ADGRB3: variants seen among roughly 807,000 people sequenced by gnomAD.
ADGRB3 encodes adhesion G protein-coupled receptor B3.
Under a neutral mutation model 193.4 loss-of-function variants are expected in ADGRB3, and 37 were observed. The ratio of observed to expected loss-of-function variants is 0.19; its 90% CI spans 0.15 to 0.25. ADGRB3 has a LOEUF of 0.25. ADGRB3 is among the 10% of genes least tolerant of loss of function. The pLI, the probability that ADGRB3 is intolerant of heterozygous loss-of-function variation, is 1.00. For missense variants in ADGRB3, 1,637 were observed against 1,852.9 expected, an observed-to-expected ratio of 0.88 and a Z score of 2.14; for synonymous variants, 690 against 644.2, an observed-to-expected ratio of 1.07 and a Z score of -1.08.
intron 17 of ADGRB3, among the ~76,000 whole-genome samples, chr6:69,219,934 GC>G (rs1225200561): frequency 6.6e-6 from 1 of 152,030 alleles, no homozygotes; most frequent in Non-Finnish European, 1.5e-5. Context: ...AGGAGAAGCA[GC>G]CTGGGTTTTA....
intron 13 of ADGRB3, among the ~76,000 whole-genome samples, chr6:69,027,096 A>G (rs1362641800): frequency 1.3e-5 from 2 of 151,976 alleles, no homozygotes; most frequent in Non-Finnish European, 2.9e-5. Flanking sequence ...TAACTTTTGG[A>G]CTCTTGTAAT....
intron 17 of ADGRB3, among the ~76,000 whole-genome samples, chr6:69,146,821 CTTTTTTTTTTTTT>C (rs756561473): frequency 9.7e-6 from 1 of 103,246 alleles, no homozygotes; most frequent in African/African-American, 3.8e-5. Flanking sequence ...CTCATTACTT[CTTTTTTTTTTTTT>C]TTTTTTTTGG....
chr6:68,678,337 A>AT (rs1347862130), intron 3 of ADGRB3, among the ~76,000 whole-genome samples: 1 of 152,230 alleles, frequency 6.6e-6, no homozygotes, highest in African/African-American at 2.4e-5. Flanking sequence ...AGTGGCTTTG[A>AT]TAAAAACAGG....
At chr6:68,764,913 A>G (rs1766480726) in intron 3 of ADGRB3, among the ~76,000 whole-genome samples, 1 of 152,206 alleles carries the variant, frequency 6.6e-6, no homozygotes, top group Admixed American at 6.5e-5. Flanking sequence ...ATATTTTGGT[A>G]AAGTTTATTT....
intron 17 of ADGRB3, among the ~76,000 whole-genome samples, chr6:69,109,317 A>G (rs183237204): frequency 2.6e-5 from 4 of 152,270 alleles, no homozygotes; most frequent in African/African-American, 9.6e-5. Flanking sequence ...CTATTTGGGA[A>G]TGTCCAAAAT....
At chr6:69,383,615 A>G (rs564360932) in intron 31 of ADGRB3, among the ~76,000 whole-genome samples, 6 of 152,114 alleles carry the variant, frequency 3.9e-5, no homozygotes, top group South Asian at 2.1e-4. Context: ...CAAAAGCTCA[A>G]TCAAGAACTA....
At chr6:69,119,678 CA>C (rs1773631308) in intron 17 of ADGRB3, among the ~76,000 whole-genome samples, 1 of 151,994 alleles carries the variant, frequency 6.6e-6, no homozygotes, top group Non-Finnish European at 1.5e-5. Context: ...CAGGCTTACA[CA>C]AAGAAGAACA....
At chr6:69,157,706 A>C (rs1038446914) in intron 17 of ADGRB3, among the ~76,000 whole-genome samples, 2 of 152,142 alleles carry the variant, frequency 1.3e-5, no homozygotes, top group African/African-American at 4.8e-5. Context: ...TCTGTAAAAA[A>C]AAAAAAAAGG....
intron 3 of ADGRB3, among the ~76,000 whole-genome samples, chr6:68,909,508 A>C (rs1462127265): frequency 6.6e-6 from 1 of 152,182 alleles, no homozygotes; most frequent in Non-Finnish European, 1.5e-5. Context: ...TAAGGCAACA[A>C]ATTTTATCCT....
chr6:69,210,903 CA>C (rs1372916548), intron 17 of ADGRB3, among the ~76,000 whole-genome samples: 1 of 151,728 alleles, frequency 6.6e-6, no homozygotes, highest in Non-Finnish European at 1.5e-5. Flanking sequence ...ATCACGAGGT[CA>C]GGAGATCGAG....
intron 8 of ADGRB3, among the ~76,000 whole-genome samples, chr6:68,974,061 T>C (rs1301513494): frequency 1.3e-5 from 2 of 152,216 alleles, no homozygotes; most frequent in Non-Finnish European, 2.9e-5. Context: ...AAGTTACGTA[T>C]TTTTACTCTT....
intron 3 of ADGRB3, among the ~76,000 whole-genome samples, chr6:68,925,451 T>C (rs1767153674): frequency 6.6e-6 from 1 of 151,992 alleles, no homozygotes; most frequent in African/African-American, 2.4e-5. Context: ...TGGGTGCTTC[T>C]CAACAGAATT....
chr6:69,336,692 A>G (rs1768856790), intron 24 of ADGRB3, among the ~76,000 whole-genome samples: 1 of 152,080 alleles, frequency 6.6e-6, no homozygotes, highest in Admixed American at 6.6e-5. Context: ...ATTTAGATGT[A>G]TGGACAACTC....
intron 13 of ADGRB3, among the ~76,000 whole-genome samples, chr6:69,034,568 T>G (rs1770809736): frequency 6.8e-6 from 1 of 148,014 alleles, no homozygotes. Context: ...ATAAATTATA[T>G]AGCTATATAT....
At chr6:69,328,648 C>A (rs1312261098) in intron 22 of ADGRB3, among the ~76,000 whole-genome samples, 1 of 152,066 alleles carries the variant, frequency 6.6e-6, no homozygotes, top group Non-Finnish European at 1.5e-5. Context: ...GCCAATTAGA[C>A]CCTCTGATAG....
chr6:68,732,895 G>A (rs1384946047), intron 3 of ADGRB3, among the ~76,000 whole-genome samples: 4 of 151,846 alleles, frequency 2.6e-5, no homozygotes, highest in African/African-American at 9.7e-5. Flanking sequence ...CTTGTTAAAG[G>A]TCCCTGGACC....
At chr6:69,101,818 A>G (rs901717165) in intron 17 of ADGRB3, among the ~76,000 whole-genome samples, 1 of 152,056 alleles carries the variant, frequency 6.6e-6, no homozygotes, top group Non-Finnish European at 1.5e-5. Flanking sequence ...TCCCAATACC[A>G]CTAAGCTGGT....
intron 5 of ADGRB3, among the ~76,000 whole-genome samples, chr6:68,939,930 A>G (rs1378580313): frequency 6.6e-6 from 1 of 152,212 alleles, no homozygotes; most frequent in African/African-American, 2.4e-5. Flanking sequence ...TATTAAAGTC[A>G]CTTTCCACAA....
intron 13 of ADGRB3, among the ~76,000 whole-genome samples, chr6:69,039,114 C>T (rs1770956441): frequency 6.6e-6 from 1 of 152,050 alleles, no homozygotes; most frequent in Non-Finnish European, 1.5e-5. Context: ...CAAGGTATAG[C>T]AGTACTTGTG....
Sources: gnomAD v4.1 joint callset for allele counts (sites outside exome capture counted in the v4.1 genomes callset) on GRCh38, gnomAD v4.1.1 for gene constraint, MANE v1.5 for transcripts, NCBI Gene and HGNC (gene_info 2026-07-23, HGNC 2026-07-21) for gene names.